The following CADM2 variants were observed in gnomAD, a reference collection of about 807,000 sequenced individuals.
CADM2 encodes immunoglobulin superfamily member 4D.
Under a neutral mutation model 49.8 loss-of-function variants are expected in CADM2, and 12 were observed. The observed-to-expected ratio is 0.24, with a 90% confidence interval of 0.15 to 0.39. The LOEUF (loss-of-function observed/expected upper bound fraction) is 0.39, where lower values mean the gene tolerates loss of function less well. Among genes scored for constraint, CADM2 ranks in the 10% least tolerant of loss-of-function variants. The pLI is 1.00. For synonymous variants in CADM2, 214 were observed against 175.4 expected (o/e 1.22, Z -1.74); for missense variants, 378 against 492.3 (o/e 0.77, Z 2.20).
intron 1 of CADM2, among the ~76,000 whole-genome samples, chr3:85,492,108 C>T (rs1416147857): frequency 6.6e-6 from 1 of 152,046 alleles, no homozygotes; most frequent in Non-Finnish European, 1.5e-5. Context: ...TAAAAGAAAA[C>T]AAATCCCTAT....
chr3:85,251,482 G>T (rs2042773547), intron 1 of CADM2, among the ~76,000 whole-genome samples: 1 of 151,688 alleles, frequency 6.6e-6, no homozygotes, highest in Admixed American at 6.6e-5. Flanking sequence ...TCATGAACTT[G>T]TTTTTTCTCA....
At chr3:85,845,579 T>C (rs1266532291) in intron 3 of CADM2, among the ~76,000 whole-genome samples, 1 of 152,014 alleles carries the variant, frequency 6.6e-6, no homozygotes, top group Non-Finnish European at 1.5e-5. Context: ...GCAACCAAAG[T>C]TTTTAGGTCT....
rs988846861 is a variant in CADM2, at chr3:85,203,804, C to T, written c.61+244136C>T. Among the ~76,000 whole-genome samples, 6 of 152,136 alleles carry T rather than the reference C, an allele frequency of 3.9e-5. No individual in the cohort carries two copies. In the East Asian group the frequency reaches 7.7e-4, roughly 20 times the overall value. The stretch of plus-strand genomic sequence containing the variant: ...CTCTATAACATATTAGCTTGTATTT[C>T]ATAATTTCAACTCTTCACTCTTAAA... On this transcript the variant is annotated intron_variant, in intron 1 of 9. Coordinates refer to ENST00000383699, the MANE Select transcript of CADM2 (RefSeq NM_001167675.2).
chr3:85,902,622 TG>T (rs1716276421), intron 5 of CADM2, among the ~76,000 whole-genome samples: 1 of 151,598 alleles, frequency 6.6e-6, no homozygotes, highest in African/African-American at 2.4e-5. Flanking sequence ...ATGTCATTTT[TG>T]TTTTATGTTC....
intron 8 of CADM2, among the ~76,000 whole-genome samples, chr3:86,010,722 C>A (rs12494821): frequency 1.3e-4 from 19 of 150,726 alleles, no homozygotes; most frequent in African/African-American, 2.9e-4. Flanking sequence ...AATTAGAAAT[C>A]AAATTGTAAA....
intron 1 of CADM2, among the ~76,000 whole-genome samples, chr3:85,215,464 C>T (rs1259582640): frequency 6.6e-6 from 1 of 151,290 alleles, no homozygotes; most frequent in Non-Finnish European, 1.5e-5. Flanking sequence ...AGGTTGAAGT[C>T]CTTTTTACTC....
intron 1 of CADM2, among the ~76,000 whole-genome samples, chr3:85,358,869 G>A (rs1021533804): frequency 6.6e-6 from 1 of 152,110 alleles, no homozygotes; most frequent in Non-Finnish European, 1.5e-5. Context: ...AACGATTGAA[G>A]CTGCAAATAG....
chr3:85,651,607 G>A (rs2065043928), intron 1 of CADM2, among the ~76,000 whole-genome samples: 1 of 152,032 alleles, frequency 6.6e-6, no homozygotes, highest in Non-Finnish European at 1.5e-5. Flanking sequence ...ATTGAAAAGA[G>A]AGTACAATAA....
At chr3:85,487,104 T>C (rs2039448108) in intron 1 of CADM2, among the ~76,000 whole-genome samples, 1 of 152,228 alleles carries the variant, frequency 6.6e-6, no homozygotes, top group African/African-American at 2.4e-5. Context: ...AATACTTAGC[T>C]TAATTCTTTA....
At chr3:85,624,251 C>T (rs2107499789) in intron 1 of CADM2, among the ~76,000 whole-genome samples, 1 of 152,232 alleles carries the variant, frequency 6.6e-6, no homozygotes, top group Non-Finnish European at 1.5e-5. Flanking sequence ...TTAGTGTTAA[C>T]ATAATATCTA....
intron 1 of CADM2, among the ~76,000 whole-genome samples, chr3:85,274,174 A>C (rs1553703103): frequency 6.6e-6 from 1 of 151,318 alleles, no homozygotes; most frequent in Non-Finnish European, 1.5e-5. Flanking sequence ...AAATGAGAGG[A>C]GGGGAATTAA....
intron 1 of CADM2, among the ~76,000 whole-genome samples, chr3:85,544,009 A>C (rs1325535220): frequency 1.3e-5 from 2 of 152,194 alleles, no homozygotes; most frequent in African/African-American, 4.8e-5. Flanking sequence ...GATAGCATCC[A>C]TTTTTGTTTT....
intron 3 of CADM2, among the ~76,000 whole-genome samples, chr3:85,820,599 G>A (rs991339928): frequency 2.0e-5 from 3 of 152,150 alleles, no homozygotes; most frequent in South Asian, 2.1e-4. Context: ...TAACAAACTT[G>A]AGATGGAGAA....
intron 1 of CADM2, among the ~76,000 whole-genome samples, chr3:85,035,559 T>C (rs1455668985): frequency 6.6e-6 from 1 of 152,208 alleles, no homozygotes; most frequent in East Asian, 1.9e-4. Flanking sequence ...CTTTAGGTCT[T>C]AGATTTAAGT....
intron 1 of CADM2, among the ~76,000 whole-genome samples, chr3:85,223,131 T>C (rs1365874241): frequency 1.3e-5 from 2 of 152,156 alleles, no homozygotes; most frequent in African/African-American, 4.8e-5. Context: ...AATTAAAATG[T>C]AACAATTTAA....
At chr3:85,046,393 TC>T (rs1435343678) in intron 1 of CADM2, among the ~76,000 whole-genome samples, 2 of 151,648 alleles carry the variant, frequency 1.3e-5, no homozygotes, top group Non-Finnish European at 2.9e-5. Context: ...AACTACCATT[TC>T]CACAACCAAC....
At chr3:86,009,913 G>C (rs1392503656) in intron 8 of CADM2, among the ~76,000 whole-genome samples, 1 of 151,526 alleles carries the variant, frequency 6.6e-6, no homozygotes, top group African/African-American at 2.4e-5. Context: ...ATTATTTTGG[G>C]GGTAACACAA....
chr3:85,054,905 T>C (rs556081753), intron 1 of CADM2, among the ~76,000 whole-genome samples: 1 of 152,018 alleles, frequency 6.6e-6, no homozygotes, highest in East Asian at 1.9e-4. Context: ...AAATATTTAT[T>C]AAATATTTGA....
chr3:86,045,312 C>A (rs77440954), intron 8 of CADM2, among the ~76,000 whole-genome samples: 3,463 of 152,124 alleles, frequency 0.023, 78 homozygotes, highest in East Asian at 0.062. Flanking sequence ...TGATTTAAAT[C>A]GAATGGCTGA....
Sources: gnomAD v4.1 joint callset for allele counts (sites outside exome capture counted in the v4.1 genomes callset) on GRCh38, gnomAD v4.1.1 for gene constraint, MANE v1.5 for transcripts, NCBI Gene and HGNC (gene_info 2026-07-23, HGNC 2026-07-21) for gene names.